Variants in XKR9 observed in about 807,000 individuals in gnomAD.
XKR9 encodes XK-related protein 9.
Under a neutral mutation model 32.0 loss-of-function variants are expected in XKR9, and 32 were observed. That is an observed-to-expected ratio of 1.00 (90% confidence interval 0.76 to 1.34). XKR9 has a LOEUF of 1.34. Ranked by LOEUF, XKR9 falls within the 40% of genes most tolerant of loss-of-function variation. The pLI, the probability that XKR9 is intolerant of heterozygous loss-of-function variation, is 0.00. For missense variants in XKR9, 546 were observed against 429.7 expected (o/e 1.27, Z -2.39); for synonymous variants, 168 against 143.4 (o/e 1.17, Z -1.22).
intron 3 of XKR9, among the ~76,000 whole-genome samples, chr8:70,694,449 G>T (rs1001500620): frequency 5.3e-5 from 8 of 151,954 alleles, no homozygotes; most frequent in East Asian, 1.9e-4. Context: ...CTTTGTTGGG[G>T]GTGGCTGGAG....
At chr8:71,060,463 G>A in the XKR9 span, among the ~76,000 whole-genome samples, 1 of 152,128 alleles carries the variant, frequency 6.6e-6, no homozygotes, top group South Asian at 2.1e-4. Context: ...TTGTCCCCTT[G>A]GAAAGCATTC....
chr8:70,791,672 C>T (rs1028782504), downstream of XKR9, among the ~76,000 whole-genome samples: 14 of 152,120 alleles, frequency 9.2e-5, no homozygotes, highest in African/African-American at 3.4e-4. Context: ...CAAGAAAGCA[C>T]TCACCAGATG....
At chr8:70,743,240 G>A (rs1000161192) in intron 2 of XKR9, among the ~76,000 whole-genome samples, 2 of 151,672 alleles carry the variant, frequency 1.3e-5, no homozygotes, top group Non-Finnish European at 2.9e-5. Flanking sequence ...ATTTCCTTGG[G>A]TTCTTTTTAT....
At chr8:71,057,854 A>G in the XKR9 span, among the ~76,000 whole-genome samples, 7 of 152,208 alleles carry the variant, frequency 4.6e-5, no homozygotes, top group African/African-American at 1.2e-4. Context: ...CCCAAGAGCC[A>G]CTCTGAGCCT....
At position 70,734,902 on chromosome 8, in the gene XKR9, T is replaced by A. The variant is rs1384816866; in HGVS notation, c.*478T>A. 1 of 152,452 alleles carries A rather than the reference T, an allele frequency of 6.6e-6. No homozygotes were observed. The highest frequency in any genetic ancestry group is 2.4e-5 in the African/African-American group (1 of 41,456). 9.4% of individuals were successfully genotyped at this position (152,452 alleles called of 1,614,324 possible). Reference sequence around the variant, plus strand: ...AAGCAGAAAACAAATTTTTAGCATCTGCTGTGCTTTCATCCATGAAATCTC... The same window carrying A: ...AAGCAGAAAACAAATTTTTAGCATCAGCTGTGCTTTCATCCATGAAATCTC... On this transcript the variant is annotated 3_prime_UTR_variant, in exon 5 of 5. Transcript: ENST00000408926.
the XKR9 span, among the ~76,000 whole-genome samples, chr8:70,923,042 G>C: frequency 6.6e-6 from 1 of 152,204 alleles, no homozygotes; most frequent in Non-Finnish European, 1.5e-5. Flanking sequence ...ACATGTGTTT[G>C]GAATGGATTA....
the XKR9 span, among the ~76,000 whole-genome samples, chr8:70,876,665 T>C: frequency 1.3e-5 from 2 of 152,168 alleles, no homozygotes; most frequent in Non-Finnish European, 2.9e-5. Flanking sequence ...AATTCTGATT[T>C]AGTAAAATGA....
chr8:70,894,830 T>G, the XKR9 span, among the ~76,000 whole-genome samples: 2 of 152,050 alleles, frequency 1.3e-5, no homozygotes, highest in Non-Finnish European at 2.9e-5. Flanking sequence ...GTAATAGCTG[T>G]TTACAGCTCA....
the XKR9 span, among the ~76,000 whole-genome samples, chr8:70,833,181 G>A: frequency 5.9e-5 from 9 of 152,150 alleles, no homozygotes; most frequent in Non-Finnish European, 1.3e-4. Flanking sequence ...CCCAGAATAA[G>A]GAGCCATCTG....
downstream of XKR9, among the ~76,000 whole-genome samples, chr8:70,738,971 A>G (rs1806914057): frequency 6.6e-6 from 1 of 152,312 alleles, no homozygotes; most frequent in Admixed American, 6.5e-5. Flanking sequence ...AGAGTTCTGT[A>G]GATGTCTATT....
At chr8:70,931,522 A>AT in the XKR9 span, among the ~76,000 whole-genome samples, 1 of 152,156 alleles carries the variant, frequency 6.6e-6, no homozygotes, top group Admixed American at 6.5e-5. Flanking sequence ...AAATTCTTTG[A>AT]TTTTATGTAC....
chr8:70,846,832 A>T, the XKR9 span, among the ~76,000 whole-genome samples: 47 of 152,204 alleles, frequency 3.1e-4, no homozygotes, highest in African/African-American at 1.1e-3. Flanking sequence ...ATACCAGAGC[A>T]TCCAATATAT....
chr8:70,783,217 T>A (rs1317396066), intron 2 of XKR9, among the ~76,000 whole-genome samples: 1 of 151,340 alleles, frequency 6.6e-6, no homozygotes, highest in Non-Finnish European at 1.5e-5. Context: ...CTGTTGGCCA[T>A]TTGTATGTCT....
the XKR9 span, among the ~76,000 whole-genome samples, chr8:71,014,342 C>T: frequency 1.3e-5 from 2 of 152,172 alleles, no homozygotes; most frequent in Non-Finnish European, 2.9e-5. Flanking sequence ...AGTGTTCTCT[C>T]ACAGTTCTGG....
chr8:70,709,447 G>A (rs1180733640), intron 4 of XKR9, among the ~76,000 whole-genome samples: 2 of 152,166 alleles, frequency 1.3e-5, no homozygotes, highest in Non-Finnish European at 2.9e-5. Flanking sequence ...AGAAGTACTA[G>A]CCAGAGCAAT....
the XKR9 span, among the ~76,000 whole-genome samples, chr8:70,937,980 G>A: frequency 6.6e-6 from 1 of 152,054 alleles, no homozygotes; most frequent in African/African-American, 2.4e-5. Context: ...AGACCACAGA[G>A]GGATGGGTTC....
At chr8:70,743,488 C>G (rs1807016582) in intron 2 of XKR9, among the ~76,000 whole-genome samples, 1 of 152,120 alleles carries the variant, frequency 6.6e-6, no homozygotes, top group Non-Finnish European at 1.5e-5. Flanking sequence ...ATGAATGATA[C>G]ATTTTAGATC....
chr8:70,685,858 C>T (rs2132121316), intron 3 of XKR9, among the ~76,000 whole-genome samples: 1 of 151,232 alleles, frequency 6.6e-6, no homozygotes, highest in East Asian at 1.9e-4. Context: ...ATATTGTGCA[C>T]ATGTACTCTA....
At chr8:70,739,872 C>T (rs1184472548), downstream of XKR9, among the ~76,000 whole-genome samples, 1 of 152,136 alleles carries the variant, frequency 6.6e-6, no homozygotes, top group Admixed American at 6.5e-5. Context: ...TGTGGGTAAC[C>T]CAACCTTTCT....
Sources: gnomAD v4.1 joint callset for allele counts (sites outside exome capture counted in the v4.1 genomes callset) on GRCh38, gnomAD v4.1.1 for gene constraint, MANE v1.5 for transcripts, NCBI Gene and HGNC (gene_info 2026-07-23, HGNC 2026-07-21) for gene names.